Variants in CLGN observed in about 807,000 individuals in gnomAD.
CLGN encodes calmegin, also known as testis tissue sperm-binding protein Li 79P.
CLGN carries 62 observed loss-of-function variants against 79.1 expected under a neutral mutation model. The observed-to-expected ratio is 0.78, with a 90% CI of 0.64 to 0.97. The LOEUF (loss-of-function observed/expected upper bound fraction) is 0.97, where lower values mean the gene tolerates loss of function less well. Ranked by LOEUF, CLGN falls within the 50% of genes least tolerant of loss-of-function variation. The probability of loss-of-function intolerance (pLI) is 0.00; values close to 1 mark genes in which losing one functional copy is unlikely to be tolerated. For missense variants in CLGN, 647 were observed against 715.5 expected (o/e 0.90, Z 1.09); for synonymous variants, 225 against 224.7 (o/e 1.00, Z -0.01).
intron 8 of CLGN, 69 bp downstream of exon 8, chr4:140,398,782 C>G (rs2137268): frequency 0.047 from 63,344 of 1,343,100 alleles, 2,031 homozygotes; most frequent in Middle Eastern, 0.11. Flanking sequence ...GGGTTGTAAA[C>G]TTCACTTATA....
intron 1 of CLGN, among the ~76,000 whole-genome samples, chr4:140,417,810 C>A (rs1471954653): frequency 6.7e-6 from 1 of 149,530 alleles, no homozygotes; most frequent in African/African-American, 2.4e-5. Context: ...CCATCCCCAT[C>A]AAGCTACCAA....
chr4:140,421,898 T>G (rs921605688), intron 1 of CLGN, among the ~76,000 whole-genome samples: 2 of 152,144 alleles, frequency 1.3e-5, no homozygotes, highest in African/African-American at 2.4e-5. Flanking sequence ...TGTTTTCTTT[T>G]AACAGTTTTA....
intron 2 of CLGN, among the ~76,000 whole-genome samples, chr4:140,412,609 GAAA>G (rs1729234377): frequency 6.6e-6 from 1 of 151,574 alleles, no homozygotes; most frequent in Non-Finnish European, 1.5e-5. Context: ...CCTTTTATTT[GAAA>G]AGATCTAGCA....
intron 1 of CLGN, among the ~76,000 whole-genome samples, chr4:140,424,840 T>C (rs754734085): frequency 6.6e-6 from 1 of 152,236 alleles, no homozygotes; most frequent in Non-Finnish European, 1.5e-5. Context: ...GCTTCTGTGG[T>C]AGTTCAATAA....
intron 1 of CLGN, among the ~76,000 whole-genome samples, chr4:140,419,382 A>T (rs896226011): frequency 2.6e-5 from 4 of 152,166 alleles, no homozygotes; most frequent in African/African-American, 9.6e-5. Context: ...TAAAGATGAT[A>T]GTAGTTATCA....
intron 1 of CLGN, among the ~76,000 whole-genome samples, chr4:140,421,771 T>C (rs555254303): frequency 6.6e-6 from 1 of 152,268 alleles, no homozygotes; most frequent in Non-Finnish European, 1.5e-5. Flanking sequence ...TTGTGTTCTT[T>C]GATGCACAGA....
At position 140,412,994 on chromosome 4, in the gene CLGN, C is replaced by G. The variant is rs749379592; in HGVS notation, c.85G>C (p.Glu29Gln). Reference protein sequence around the residue: ...AEFMDDDVETEDFEENSEEID... With the variant: ...AEFMDDDVETQDFEENSEEID... ...TCTTCTGAATTTTCTTCAAAGTCTT[C>G]CGTCTCAACATCATCATCCATAAAT... Residue 29 changes from glutamate (E) to glutamine (Q), a missense_variant, in exon 2 of 15, where the codon GAA (glutamate) becomes CAA (glutamine). By Grantham distance (29) the Glu-to-Gln change is conservative. Transcript: ENST00000325617. 309 of 1,613,370 alleles carry G rather than the reference C, an allele frequency of 1.9e-4. 1 individual carries two copies. Among genetic ancestry groups the G allele is most frequent in the Non-Finnish European group, 2.6e-4 (307 of 1,179,648 alleles).
At chr4:140,425,787 C>A (rs943981583) in intron 1 of CLGN, among the ~76,000 whole-genome samples, 2 of 151,780 alleles carry the variant, frequency 1.3e-5, no homozygotes, top group African/African-American at 4.8e-5. Flanking sequence ...CGCCACTATG[C>A]CCGGCTAATT....
chr4:140,401,505 A>G (rs1220083627), intron 6 of CLGN, among the ~76,000 whole-genome samples: 1 of 152,154 alleles, frequency 6.6e-6, no homozygotes, highest in African/African-American at 2.4e-5. Context: ...AATATCCCCA[A>G]CTTTCCAATG....
At chr4:140,419,160 A>T (rs528042946) in intron 1 of CLGN, among the ~76,000 whole-genome samples, 23 of 152,082 alleles carry the variant, frequency 1.5e-4, no homozygotes, top group African/African-American at 5.3e-4. Flanking sequence ...CAATGAGATC[A>T]CATGGACACA....
chr4:140,424,236 G>A (rs904981175), intron 1 of CLGN, among the ~76,000 whole-genome samples: 3 of 152,058 alleles, frequency 2.0e-5, no homozygotes, highest in African/African-American at 4.8e-5. Flanking sequence ...GTCTCAAGAT[G>A]TTTTTCTAAC....
chr4:140,414,543 C>T (rs1318418186), intron 1 of CLGN, among the ~76,000 whole-genome samples: 5 of 148,370 alleles, frequency 3.4e-5, no homozygotes, highest in East Asian at 3.9e-4. Flanking sequence ...TCGAGAACTA[C>T]GTGAAGAATG....
In CLGN at chr4:140,393,036, T is replaced by C. The variant is rs540597404; in HGVS notation, c.1366-325A>G. On this transcript the variant is annotated intron_variant, in intron 11 of 14. Transcript: ENST00000325617. The stretch of plus-strand genomic sequence containing the variant: ...TTTATGGATGTATTACCTGGTTTAT[T>C]TGAAGTGATCATTCATTCTGTACTC... Among the ~76,000 whole-genome samples, 38 of 152,238 alleles carry C rather than the reference T, an allele frequency of 2.5e-4. No homozygotes were observed. In the Middle Eastern group the frequency reaches 0.014, roughly 55 times the overall value.
chr4:140,390,735 T>C lies in CLGN; in HGVS notation c.1652-7A>G, dbSNP rs1249448364. 3.2e-6 allele frequency: 5 copies of C among 1,576,318 alleles called. No individual in the cohort carries two copies. The highest frequency in any genetic ancestry group is 1.4e-5 in the African/African-American group (1 of 73,642). Reference sequence around the variant, plus strand: ...TCAGGTTCACTTTCCTCTTCTAGAATACAGATTTTGTTAAAAGCAAAGACT... The same window carrying C: ...TCAGGTTCACTTTCCTCTTCTAGAACACAGATTTTGTTAAAAGCAAAGACT... On this transcript the variant is annotated splice_polypyrimidine_tract_variant and splice_region_variant and intron_variant, in intron 13 of 14. Coordinates refer to ENST00000325617, the MANE Select transcript of CLGN (RefSeq NM_004362.3).
At chr4:140,393,781 T>A (rs368143808) in intron 11 of CLGN, 45 bp downstream of exon 11, 24 of 1,533,060 alleles carry the variant, frequency 1.6e-5, no homozygotes, top group Non-Finnish European at 2.2e-5. Context: ...GACCAAGTAT[T>A]ATTATTCATA....
chr4:140,402,121 C>T (rs546694475), intron 5 of CLGN, 55 bp from the exon 6 acceptor site: 55 of 887,978 alleles, frequency 6.2e-5, no homozygotes, highest in South Asian at 1.7e-5. Context: ...ACTAGTTGCT[C>T]TTTAAAATAT....
At chr4:140,410,102 T>A (rs1729182628) in intron 3 of CLGN, among the ~76,000 whole-genome samples, 3 of 152,126 alleles carry the variant, frequency 2.0e-5, no homozygotes, top group African/African-American at 7.2e-5. Flanking sequence ...TATAATTTAC[T>A]AGCTGTATGA....
At chr4:140,404,361 G>A (rs1578599013) in intron 5 of CLGN, among the ~76,000 whole-genome samples, 1 of 152,216 alleles carries the variant, frequency 6.6e-6, no homozygotes, top group Non-Finnish European at 1.5e-5. Flanking sequence ...CCAAAGTGCT[G>A]GGATTACAGG....
chr4:140,420,811 ATAC>A (rs1187431049), intron 1 of CLGN, among the ~76,000 whole-genome samples: 13 of 152,174 alleles, frequency 8.5e-5, no homozygotes, highest in African/African-American at 3.1e-4. Context: ...TGCTGGGGTA[ATAC>A]TACAAGAAAA....
Sources: gnomAD v4.1 joint callset for allele counts (sites outside exome capture counted in the v4.1 genomes callset) on GRCh38, gnomAD v4.1.1 for gene constraint, MANE v1.5 for transcripts, NCBI Gene and HGNC (gene_info 2026-07-23, HGNC 2026-07-21) for gene names.